MAGI3: variants seen among roughly 807,000 people sequenced by gnomAD.
The protein encoded by MAGI3 is membrane associated guanylate kinase, WW and PDZ domain containing 3.
MAGI3 carries 43 observed loss-of-function variants against 121.8 expected under a neutral mutation model. That is an observed-to-expected ratio of 0.35 (90% CI 0.28 to 0.46). The LOEUF (loss-of-function observed/expected upper bound fraction) is 0.46. MAGI3 is among the 20% of genes least tolerant of loss of function. The pLI, the probability that MAGI3 is intolerant of heterozygous loss-of-function variation, is 1.00. For missense variants in MAGI3, 1,547 were observed against 1,797.3 expected, an observed-to-expected ratio of 0.86 and a Z score of 2.52; for synonymous variants, 553 against 639.3, an observed-to-expected ratio of 0.86 and a Z score of 2.04.
chr1:113,418,101 C>G (rs766057625), intron 1 of MAGI3, among the ~76,000 whole-genome samples: 11 of 152,012 alleles, frequency 7.2e-5, no homozygotes, highest in Non-Finnish European at 1.2e-4. Flanking sequence ...ATCTTGTATA[C>G]TACTGCTATT....
At chr1:113,434,797 A>C (rs916507561) in intron 1 of MAGI3, among the ~76,000 whole-genome samples, 2 of 152,238 alleles carry the variant, frequency 1.3e-5, no homozygotes, top group Admixed American at 6.5e-5. Context: ...AACAGAACAG[A>C]TAAGGAAGGT....
intron 10 of MAGI3, 61 bp from the exon 11 acceptor site, chr1:113,643,682 A>G (rs1243805233): frequency 1.4e-6 from 2 of 1,468,300 alleles, no homozygotes; most frequent in South Asian, 1.1e-5. Context: ...AAACATTAGC[A>G]GTATTTGTGA....
chr1:113,619,205 A>G (rs1650671587), intron 7 of MAGI3, among the ~76,000 whole-genome samples: 1 of 152,196 alleles, frequency 6.6e-6, no homozygotes, highest in Non-Finnish European at 1.5e-5. Flanking sequence ...AGTGTGAAAG[A>G]GTTATTCTAT....
chr1:113,546,346 C>T (rs374506407), intron 1 of MAGI3, among the ~76,000 whole-genome samples: 63 of 152,040 alleles, frequency 4.1e-4, no homozygotes, highest in South Asian at 2.5e-3. Flanking sequence ...TATTTATTTG[C>T]TTATTTTTGA....
At chr1:113,437,874 T>TC (rs1557757162) in intron 1 of MAGI3, among the ~76,000 whole-genome samples, 2 of 29,398 alleles carry the variant, frequency 6.8e-5, no homozygotes, top group Non-Finnish European at 1.1e-4. Context: ...CTCTTCTTCT[T>TC]CTTCTCCTTC....
intron 1 of MAGI3, among the ~76,000 whole-genome samples, chr1:113,432,487 G>A (rs1271599414): frequency 6.6e-6 from 1 of 151,948 alleles, no homozygotes; most frequent in East Asian, 1.9e-4. Context: ...TCAATATAAG[G>A]GCATTTGTTT....
intron 6 of MAGI3, among the ~76,000 whole-genome samples, chr1:113,613,887 T>C (rs1236128689): frequency 2.0e-5 from 3 of 152,190 alleles, no homozygotes; most frequent in African/African-American, 7.2e-5. Flanking sequence ...TCAGTTCATG[T>C]TGAAAAGGCT....
At chr1:113,446,477 A>G (rs565090918) in intron 1 of MAGI3, among the ~76,000 whole-genome samples, 1 of 152,376 alleles carries the variant, frequency 6.6e-6, no homozygotes, top group South Asian at 2.1e-4. Context: ...AATGATGGAC[A>G]AAAATGTATA....
chr1:113,674,445 T>G (rs1647750275), intron 19 of MAGI3, among the ~76,000 whole-genome samples: 1 of 150,158 alleles, frequency 6.7e-6, no homozygotes, highest in Non-Finnish European at 1.5e-5. Context: ...AAAAAAAAAC[T>G]TAACTCACTG....
At chr1:113,533,961 T>C (rs1385888874) in intron 1 of MAGI3, among the ~76,000 whole-genome samples, 1 of 152,192 alleles carries the variant, frequency 6.6e-6, no homozygotes, top group Non-Finnish European at 1.5e-5. Context: ...TCTTGTTTAT[T>C]AAACATTTAG....
intron 4 of MAGI3, among the ~76,000 whole-genome samples, 155 bp downstream of exon 4, chr1:113,585,751 T>G (rs772364167): frequency 1.9e-4 from 29 of 152,220 alleles, no homozygotes; most frequent in Non-Finnish European, 4.3e-4. Flanking sequence ...CAAAGTGTAT[T>G]TCTGTAGACC....
At chr1:113,484,851 G>A (rs1442864253) in intron 1 of MAGI3, among the ~76,000 whole-genome samples, 1 of 150,532 alleles carries the variant, frequency 6.6e-6, no homozygotes, top group Admixed American at 6.6e-5. Flanking sequence ...CAGCCTCCCA[G>A]GTAGCTGGGA....
At chr1:113,469,880 TATAA>T (rs915341235) in intron 1 of MAGI3, among the ~76,000 whole-genome samples, 1 of 152,214 alleles carries the variant, frequency 6.6e-6, no homozygotes, top group African/African-American at 2.4e-5. Flanking sequence ...ATAAATCTTT[TATAA>T]ATAAATAGTT....
chr1:113,506,724 A>G (rs991406348), intron 1 of MAGI3, among the ~76,000 whole-genome samples: 2 of 152,216 alleles, frequency 1.3e-5, no homozygotes, highest in Non-Finnish European at 2.9e-5. Flanking sequence ...GGTAGCTTAT[A>G]GGAAGAAGTA....
At chr1:113,536,159 T>TAA (rs71090707) in intron 1 of MAGI3, among the ~76,000 whole-genome samples, 3,385 of 147,650 alleles carry the variant, frequency 0.023, 37 homozygotes, top group Non-Finnish European at 0.025. Flanking sequence ...TTTTTTTTTT[T>TAA]AAAAAAATTT....
chr1:113,424,294 A>G (rs1206851787), intron 1 of MAGI3, among the ~76,000 whole-genome samples: 1 of 150,480 alleles, frequency 6.6e-6, no homozygotes. Flanking sequence ...AGTTCTATAC[A>G]ATGTTGCCAT....
intron 10 of MAGI3, 148 bp downstream of exon 10, chr1:113,642,664 C>A: frequency 1.2e-6 from 1 of 863,906 alleles, no homozygotes; most frequent in South Asian, 2.0e-5. Context: ...CTGATTGTTT[C>A]CATAAGCAGT....
intron 2 of MAGI3, among the ~76,000 whole-genome samples, chr1:113,551,662 T>C (rs1046013537): frequency 2.6e-5 from 4 of 152,190 alleles, no homozygotes; most frequent in Admixed American, 2.0e-4. Context: ...TTCTAGACTT[T>C]ACTCAGTAGC....
intron 5 of MAGI3, 147 bp downstream of exon 5, chr1:113,590,805 T>C (rs1648653777): frequency 1.4e-6 from 1 of 716,290 alleles, no homozygotes; most frequent in Admixed American, 3.3e-5. Flanking sequence ...AAACTGACAG[T>C]TGATTTTTAA....
Sources: allele counts gnomAD v4.1 joint callset (sites outside exome capture counted in the v4.1 genomes callset), GRCh38; gene constraint gnomAD v4.1.1; transcripts MANE v1.5; gene names NCBI Gene and HGNC (gene_info 2026-07-23, HGNC 2026-07-21).